The following TASOR variants were observed in gnomAD, a reference collection of about 807,000 sequenced individuals.
The protein encoded by TASOR is transcription activation suppressor.
In TASOR, 53 loss-of-function variants were observed where a neutral mutation model predicts 178.6. The ratio of observed to expected loss-of-function variants is 0.30; its 90% confidence interval spans 0.24 to 0.37. The LOEUF (loss-of-function observed/expected upper bound fraction) is 0.37. TASOR is among the 10% of genes least tolerant of loss of function. The pLI is 1.00. For synonymous variants in TASOR, 713 were observed against 696.2 expected, an observed-to-expected ratio of 1.02 and a Z score of -0.38; for missense variants, 1,815 against 1,971.4, an observed-to-expected ratio of 0.92 and a Z score of 1.50.
At chr3:56,660,145 G>A (rs956805596) in intron 11 of TASOR, among the ~76,000 whole-genome samples, 2 of 151,954 alleles carry the variant, frequency 1.3e-5, no homozygotes, top group African/African-American at 4.8e-5. Flanking sequence ...ACAGGCGTGA[G>A]CCACCAACGC....
At position 56,673,515 on chromosome 3, in the gene TASOR, T is replaced by C. The variant is rs529303762; in HGVS notation, c.477+65A>G. 1.8e-4 allele frequency: 230 copies of C among 1,261,714 alleles called. No homozygotes were observed. The Admixed American group carries it at 2.0e-3, about 11-fold the overall frequency. The allele number at this position is 1,261,714 out of a possible 1,614,324, so 78.2% of individuals were successfully genotyped here. A position where few individuals can be genotyped will look rare whatever the true frequency, so the allele number is the denominator to read the frequency against. On this transcript the variant is annotated intron_variant, in intron 2 of 23. Transcript: ENST00000683822. ...AAAATTTTAGTATTTCTAGAGAACA[T>C]TTTTTTCCCAGGCTGTTAACTGGTT...
At chr3:56,651,753 A>G (rs1298867489) in intron 11 of TASOR, among the ~76,000 whole-genome samples, 9 of 151,630 alleles carry the variant, frequency 5.9e-5, no homozygotes, top group South Asian at 4.2e-4. Context: ...GATTCAGCAG[A>G]AAAAAAAAGA....
At chr3:56,665,365 G>A (rs182033592) in intron 7 of TASOR, among the ~76,000 whole-genome samples, 18 of 152,110 alleles carry the variant, frequency 1.2e-4, no homozygotes, top group African/African-American at 4.3e-4. Flanking sequence ...TGTTGTTGTT[G>A]TTTAAATACA....
intron 1 of TASOR, among the ~76,000 whole-genome samples, chr3:56,676,058 G>C (rs2031268873): frequency 6.6e-6 from 1 of 152,122 alleles, no homozygotes; most frequent in Non-Finnish European, 1.5e-5. Flanking sequence ...TACTCAAATA[G>C]AACAAGACTA....
Position 56,627,053 on chromosome 3 carries a change from G to C in TASOR, c.4123C>G (p.Leu1375Val). The C allele has an allele frequency of 6.2e-7, 1 of 1,607,680 alleles. No homozygotes were observed. Among genetic ancestry groups the C allele is most frequent in the Non-Finnish European group, 8.5e-7 (1 of 1,175,508 alleles). Residue 1375 changes from leucine to valine, a missense_variant, in exon 21 of 24, where the codon CTA becomes GTA. Transcript: ENST00000683822. ...AAAGCTTACCTGCCTAGTTCCTTTAGTTTCTTCTGAAATTTACAGTGGACT... is the reference window on the plus strand; with the variant it reads ...AAAGCTTACCTGCCTAGTTCCTTTACTTTCTTCTGAAATTTACAGTGGACT... ...WKVHCKFQKKLKELGRLNAKA... is the reference protein window; with the variant it reads ...WKVHCKFQKKVKELGRLNAKA...
chr3:56,670,442 G>A (rs1578288132), intron 3 of TASOR, among the ~76,000 whole-genome samples: 1 of 152,190 alleles, frequency 6.6e-6, no homozygotes, highest in Non-Finnish European at 1.5e-5. Flanking sequence ...CTGGGCTCAA[G>A]TGATCCTCTC....
chr3:56,649,028 T>C lies in TASOR; in HGVS notation c.1398A>G (p.Gly466=). 1 of 1,609,268 alleles carries C rather than the reference T, an allele frequency of 6.2e-7. No homozygotes were observed. Among genetic ancestry groups the C allele is most frequent in the African/African-American group, 1.3e-5 (1 of 74,748 alleles). ...GATAAGGGGAGAGAAGAAAAAGGTA[T>C]CCTCGGTCTCCCAAAGGTTTAACAA... is the stretch of plus-strand genomic sequence containing the variant. ...LVLVKPLGDR[G]YLFLLSPYQM... Residue 466 remains glycine, a synonymous_variant, in exon 12 of 24, where the codon GGA becomes GGG. Transcript: ENST00000683822.
chr3:56,669,665 G>T, intron 5 of TASOR, 35 bp downstream of exon 5: 2 of 1,329,762 alleles, frequency 1.5e-6, no homozygotes, highest in Non-Finnish European at 2.1e-6. Flanking sequence ...ATCAAGTGTA[G>T]TTTTTCATAC....
At chr3:56,658,917 AGAG>A (rs1300089631) in intron 11 of TASOR, among the ~76,000 whole-genome samples, 6 of 89,114 alleles carry the variant, frequency 6.7e-5, no homozygotes, top group East Asian at 6.4e-4. Flanking sequence ...CAAAAAAAAA[AGAG>A]AGAGAGACAG....
intron 11 of TASOR, among the ~76,000 whole-genome samples, chr3:56,657,663 G>A (rs1315050990): frequency 6.6e-6 from 1 of 152,198 alleles, no homozygotes; most frequent in African/African-American, 2.4e-5. Flanking sequence ...GTCCAGAGGT[G>A]CCAAGAAGAC....
In TASOR at chr3:56,662,499, A is replaced by G. The variant is rs1185166049; in HGVS notation, c.1055-9T>C. ...GGTATAGTTATATTTATCTAAATAA[A>G]AAGAATATAATGACACAGCTTAGTC... On this transcript the variant is annotated splice_polypyrimidine_tract_variant and intron_variant, in intron 8 of 23. Coordinates refer to ENST00000683822, the MANE Select transcript of TASOR (RefSeq NM_001365635.2). 7.3e-7 allele frequency: 1 copy of G among 1,369,364 alleles called. No homozygotes were observed. Among genetic ancestry groups the G allele is most frequent in the African/African-American group, 1.5e-5 (1 of 68,494 alleles). 84.8% of individuals were successfully genotyped at this position (1,369,364 alleles called of 1,614,324 possible).
intron 18 of TASOR, among the ~76,000 whole-genome samples, chr3:56,629,542 T>C (rs2076867632): frequency 6.6e-6 from 1 of 152,232 alleles, no homozygotes; most frequent in African/African-American, 2.4e-5. Flanking sequence ...TAGCCATTTC[T>C]GTCAAGTTTC....
intron 11 of TASOR, among the ~76,000 whole-genome samples, chr3:56,655,633 A>T (rs1012935929): frequency 5.9e-5 from 9 of 152,084 alleles, no homozygotes; most frequent in Non-Finnish European, 8.8e-5. Context: ...GATAAATTTT[A>T]AAAACTAGCT....
chr3:56,677,192 C>G (rs2031379429), intron 1 of TASOR, among the ~76,000 whole-genome samples: 1 of 152,152 alleles, frequency 6.6e-6, no homozygotes, highest in Non-Finnish European at 1.5e-5. Context: ...TATCCTGTCA[C>G]TCCTTTTAAA....
chr3:56,671,853 T>C (rs2030771923), intron 2 of TASOR, among the ~76,000 whole-genome samples, 161 bp from the exon 3 acceptor site: 1 of 152,168 alleles, frequency 6.6e-6, no homozygotes, highest in African/African-American at 2.4e-5. Flanking sequence ...CTATTTTAAC[T>C]GGCTCTTTAT....
At chr3:56,658,851 T>C (rs1296528282) in intron 11 of TASOR, among the ~76,000 whole-genome samples, 1 of 151,278 alleles carries the variant, frequency 6.6e-6, no homozygotes, top group Non-Finnish European at 1.5e-5. Context: ...AACCCGGAGG[T>C]TGCAGTGAGC....
rs1258615274 is a variant in TASOR, at chr3:56,633,900, C to A, written c.2891G>T (p.Arg964Leu). The change falls in exon 18 of 24, where the codon CGG (arginine) becomes CTG (leucine). Residue 964 changes from arginine to leucine, a missense_variant. Transcript: ENST00000683822. ...PPQEAFPNDP[R>L]VINRQRSSDY... ...AGAACTTCTCTGTCTATTTATTACCCGGGGGTCGTTAGGAAAGGCCTCCTG... is the reference window on the plus strand; with the variant it reads ...AGAACTTCTCTGTCTATTTATTACCAGGGGGTCGTTAGGAAAGGCCTCCTG... 2 of 1,580,494 alleles carry A rather than the reference C, an allele frequency of 1.3e-6. No individual in the cohort carries two copies. Among genetic ancestry groups the A allele is most frequent in the Non-Finnish European group, 1.7e-6 (2 of 1,162,424 alleles).
intron 18 of TASOR, among the ~76,000 whole-genome samples, chr3:56,631,786 T>C (rs973790116): frequency 3.3e-5 from 5 of 152,096 alleles, no homozygotes; most frequent in African/African-American, 7.2e-5. Flanking sequence ...GTTTTCACCA[T>C]GTTAGCCAGG....
At chr3:56,624,342 G>A (rs2076752520) in intron 23 of TASOR, 137 bp downstream of exon 23, 1 of 777,790 alleles carries the variant, frequency 1.3e-6, no homozygotes, top group South Asian at 1.8e-5. Context: ...AATGATAAAT[G>A]TCTTGAAACA....
Sources: gnomAD v4.1 joint callset for allele counts (sites outside exome capture counted in the v4.1 genomes callset) on GRCh38, gnomAD v4.1.1 for gene constraint, MANE v1.5 for transcripts, NCBI Gene and HGNC (gene_info 2026-07-23, HGNC 2026-07-21) for gene names.